CTNND1: variants seen among roughly 807,000 people sequenced by gnomAD.
CTNND1 encodes the protein catenin delta 1, also known as catenin delta-1.
CTNND1 carries 16 observed loss-of-function variants against 112.1 expected under a neutral mutation model. The observed-to-expected ratio is 0.14, with a 90% CI of 0.10 to 0.22. The LOEUF (loss-of-function observed/expected upper bound fraction) is 0.22. CTNND1 is among the 10% of genes least tolerant of loss of function. The pLI is 1.00. For missense variants in CTNND1, 1,008 were observed against 1,257.0 expected (o/e 0.80, Z 3.00); for synonymous variants, 420 against 446.5 (o/e 0.94, Z 0.75).
chr11:57,773,787 T>C (rs934846760), intron 1 of CTNND1, among the ~76,000 whole-genome samples: 5 of 151,218 alleles, frequency 3.3e-5, no homozygotes, highest in African/African-American at 4.9e-5. Flanking sequence ...AAAAAAAATA[T>C]AAAAATTAGC....
chr11:57,794,149 A>T, intron 4 of CTNND1, 68 bp downstream of exon 4: 1 of 1,416,742 alleles, frequency 7.1e-7, no homozygotes, highest in East Asian at 2.3e-5. Flanking sequence ...CTATAAGAGC[A>T]TATTTGTGTC....
intron 1 of CTNND1, among the ~76,000 whole-genome samples, chr11:57,778,207 G>A (rs1424751738): frequency 6.6e-6 from 1 of 152,138 alleles, no homozygotes; most frequent in Middle Eastern, 3.4e-3. Context: ...GGTGGAGTCC[G>A]CTGCCTTTGT....
chr11:57,814,405 AGT>A, intron 18 of CTNND1, 32 bp downstream of exon 18: 1 of 1,547,590 alleles, frequency 6.5e-7, no homozygotes, highest in Non-Finnish European at 8.9e-7. Context: ...AAGGATGTGG[AGT>A]AATATTTCAC....
chr11:57,809,203 G>GCTCA (rs2137420463), intron 14 of CTNND1, 71 bp from the exon 15 acceptor site: 2 of 1,093,944 alleles, frequency 1.8e-6, no homozygotes, highest in Admixed American at 3.9e-5. Context: ...GATTAATGCA[G>GCTCA]TTAAGTATAA....
rs759613553 is a variant in CTNND1 at position 57,816,263 on chromosome 11, A to G, written c.2896-34A>G. ...GGGGGGTCTCCTTAATCCCAACCCC[A>G]TTAACATTCTCTCTTTCTCTTTTTT... On this transcript the variant is annotated intron_variant, in intron 20 of 20. Transcript: ENST00000399050. The G allele has an allele frequency of 3.7e-6, 6 of 1,613,264 alleles. No homozygotes were observed. The East Asian group carries it at 8.9e-5, about 24-fold the overall frequency.
intron 17 of CTNND1, among the ~76,000 whole-genome samples, chr11:57,811,996 ATTATT>A (rs1442191300): frequency 2.0e-5 from 3 of 152,130 alleles, no homozygotes; most frequent in African/African-American, 4.8e-5. Flanking sequence ...TATTGTGACC[ATTATT>A]ATCTTAATCA....
Position 57,795,642 on chromosome 11 carries a change from C to G in CTNND1, c.333C>G (p.Thr111=). ...RMQEPGQIVE[T]YTEEDPEGAM... ...AGGAGCCGGGGCAGATTGTGGAGAC[C>G]TACACGGAGGAGGATCCTGAGGGAG... The change falls in exon 5 of 21, where the codon ACC becomes ACG. Residue 111 remains threonine, a synonymous_variant. Transcript: ENST00000399050. The G allele has an allele frequency of 6.2e-7, 1 of 1,610,384 alleles. No homozygotes were observed. The highest frequency in any genetic ancestry group is 8.5e-7 in the Non-Finnish European group (1 of 1,178,378).
intron 1 of CTNND1, among the ~76,000 whole-genome samples, chr11:57,781,023 C>T (rs2059518310): frequency 6.6e-6 from 1 of 152,188 alleles, no homozygotes; most frequent in South Asian, 2.1e-4. Flanking sequence ...ACTGCAACCT[C>T]CACCTCCTGG....
intron 1 of CTNND1, among the ~76,000 whole-genome samples, chr11:57,778,079 T>G (rs1180109758): frequency 6.6e-6 from 1 of 152,130 alleles, no homozygotes; most frequent in Non-Finnish European, 1.5e-5. Context: ...GATGTTGCTG[T>G]CTTGACCTCT....
chr11:57,780,355 C>T (rs561288820), intron 1 of CTNND1, among the ~76,000 whole-genome samples: 3 of 152,048 alleles, frequency 2.0e-5, no homozygotes, highest in East Asian at 3.9e-4. Flanking sequence ...TCTCCTGGCC[C>T]GAAGAATGAC....
chr11:57,800,159 G>T (rs1490719839), intron 6 of CTNND1, among the ~76,000 whole-genome samples: 3 of 151,420 alleles, frequency 2.0e-5, no homozygotes, highest in Non-Finnish European at 1.5e-5. Context: ...TATGGTTGGG[G>T]TGGATGCAAA....
rs368066009 is a variant in CTNND1, at chr11:57,811,466, T to G, written c.2618T>G (p.Ile873Ser). The change falls in exon 17 of 21, where the codon ATT (isoleucine) becomes AGT (serine). Residue 873 changes from isoleucine to serine, a missense_variant. Physicochemically the swap from Ile to Ser is moderately radical, Grantham distance 142 (BLOSUM62 -2). Transcript: ENST00000399050. ...TATGATGATAGTACTCTCCCTCTCA[T>G]TGACCGGAACCAAAAATCAGGTGCA... ...HSYDDSTLPL[I>S]DRNQKSDKKP... The G allele has an allele frequency of 6.2e-7, 1 of 1,613,192 alleles. No homozygotes were observed. Among genetic ancestry groups the G allele is most frequent in the Non-Finnish European group, 8.5e-7 (1 of 1,179,650 alleles).
rs2063959111 is a variant in CTNND1, at chr11:57,816,166, G to A, written c.2896-131G>A. 5 of 1,258,536 alleles carry A rather than the reference G, an allele frequency of 4.0e-6. No homozygotes were observed. In the South Asian group the frequency reaches 6.1e-5, roughly 15 times the overall value. 78.0% of individuals were successfully genotyped at this position (1,258,536 alleles called of 1,614,324 possible). A position where few individuals can be genotyped will look rare whatever the true frequency, so the allele number is the denominator to read the frequency against. ...TGATTATTACCTCTTACGAGTCTGG[G>A]ACATGCAGCTGGTGATCTGATTCTC... On this transcript the variant is annotated intron_variant, in intron 20 of 20. Coordinates refer to ENST00000399050, the MANE Select transcript of CTNND1 (RefSeq NM_001085458.2).
chr11:57,787,088 G>T (rs1489637644), intron 1 of CTNND1, among the ~76,000 whole-genome samples: 1 of 152,168 alleles, frequency 6.6e-6, no homozygotes, highest in East Asian at 1.9e-4. Context: ...ACTTCCTTAG[G>T]GTTGTTGTAA....
rs539728150 is a variant in CTNND1 at position 57,774,752 on chromosome 11, T to G, written c.-214+12633T>G. On this transcript the variant is annotated intron_variant, in intron 1 of 20. Transcript: ENST00000399050. ...ATTTTGAGATGGAGTCTTACTCTGT[T>G]GCCTAGGCTGGAGTGCAGTGGCGTG... Among the ~76,000 whole-genome samples, 4 of 152,224 alleles carry G rather than the reference T, an allele frequency of 2.6e-5. No homozygotes were observed. In the East Asian group the frequency reaches 7.7e-4, roughly 29 times the overall value.
chr11:57,771,800 G>T (rs1952693812), intron 1 of CTNND1, among the ~76,000 whole-genome samples: 1 of 152,182 alleles, frequency 6.6e-6, no homozygotes, highest in African/African-American at 2.4e-5. Flanking sequence ...CTCCATGAAA[G>T]TATAGTTAGC....
chr11:57,777,431 G>A (rs1017002406), intron 1 of CTNND1, among the ~76,000 whole-genome samples: 1 of 152,036 alleles, frequency 6.6e-6, no homozygotes, highest in African/African-American at 2.4e-5. Context: ...CACCATGCCC[G>A]GCAAATTTTT....
intron 1 of CTNND1, among the ~76,000 whole-genome samples, chr11:57,783,269 G>GACT (rs780702895): frequency 1.3e-5 from 2 of 151,920 alleles, no homozygotes; most frequent in African/African-American, 2.4e-5. Context: ...GACAGAGCAA[G>GACT]ACTCCATCTC....
intron 1 of CTNND1, among the ~76,000 whole-genome samples, chr11:57,780,575 C>A (rs894048543): frequency 6.6e-5 from 10 of 152,164 alleles, no homozygotes; most frequent in African/African-American, 2.2e-4. Context: ...ATGATAACTT[C>A]AAGGGGAAGA....
Sources: allele counts gnomAD v4.1 joint callset (sites outside exome capture counted in the v4.1 genomes callset), GRCh38; gene constraint gnomAD v4.1.1; transcripts MANE v1.5; gene names NCBI Gene and HGNC (gene_info 2026-07-23, HGNC 2026-07-21).